Variants in DACH2 observed in about 807,000 individuals in gnomAD.
DACH2 encodes the protein dachshund family transcription factor 2.
Under a neutral mutation model 35.8 loss-of-function variants are expected in DACH2, and 17 were observed. The observed-to-expected ratio is 0.48, with a 90% CI of 0.33 to 0.71. The LOEUF (loss-of-function observed/expected upper bound fraction) is 0.71. Ranked by LOEUF, DACH2 falls within the 30% of genes least tolerant of loss-of-function variation. The pLI is 0.02. For synonymous variants in DACH2, 195 were observed against 177.3 expected, an observed-to-expected ratio of 1.10 and a Z score of -0.79; for missense variants, 469 against 472.7, an observed-to-expected ratio of 0.99 and a Z score of 0.07.
intron 7 of DACH2, among the ~76,000 whole-genome samples, chrX:86,751,738 G>C (rs2041775630): frequency 9.0e-6 from 1 of 111,252 alleles, no homozygotes; most frequent in African/African-American, 3.3e-5. Flanking sequence ...GAAAAAAAAA[G>C]AAAGTATGCA....
At chrX:86,495,706 A>T (rs1404063791) in intron 2 of DACH2, among the ~76,000 whole-genome samples, 13 of 109,856 alleles carry the variant, frequency 1.2e-4, no homozygotes, top group African/African-American at 4.3e-4. Flanking sequence ...CTAGCTACTC[A>T]GGAGGCTAAG....
chrX:86,513,143 A>AC (rs2038418616), intron 2 of DACH2, among the ~76,000 whole-genome samples: 1 of 111,922 alleles, frequency 8.9e-6, no homozygotes. Context: ...TCATTTTGCT[A>AC]CTGCAAAGTT....
intron 7 of DACH2, among the ~76,000 whole-genome samples, chrX:86,775,665 A>T (rs1321985035): frequency 8.9e-6 from 1 of 111,916 alleles, no homozygotes. Context: ...TACTGTTATT[A>T]AGCAGAACAA....
At chrX:86,303,809 A>G (rs1261562922) in intron 1 of DACH2, among the ~76,000 whole-genome samples, 3 of 110,810 alleles carry the variant, frequency 2.7e-5, no homozygotes, top group Admixed American at 9.7e-5. Flanking sequence ...TAAAAATAAT[A>G]AATACTATTC....
At chrX:86,720,156 C>G (rs2041387706) in intron 6 of DACH2, among the ~76,000 whole-genome samples, 1 of 108,647 alleles carries the variant, frequency 9.2e-6, no homozygotes, top group Non-Finnish European at 1.9e-5. Context: ...CCAGGATTGT[C>G]TTGATCTCCT....
chrX:86,334,463 A>T (rs1360699684), intron 1 of DACH2, among the ~76,000 whole-genome samples: 1 of 111,889 alleles, frequency 8.9e-6, no homozygotes. Flanking sequence ...AACTGATGTG[A>T]GATGGTATCT....
intron 2 of DACH2, among the ~76,000 whole-genome samples, chrX:86,472,036 G>A (rs1341983817): frequency 8.9e-6 from 1 of 111,819 alleles, no homozygotes; most frequent in East Asian, 2.8e-4. Context: ...ATGATTAATT[G>A]GTTAATTTAA....
At chrX:86,712,837 T>G (rs2148458862) in intron 5 of DACH2, among the ~76,000 whole-genome samples, 1 of 110,987 alleles carries the variant, frequency 9.0e-6, no homozygotes, top group Non-Finnish European at 1.9e-5. Flanking sequence ...AAGTTTAAAA[T>G]ATTTTCTGAC....
At chrX:86,703,501 T>C (rs141057768) in intron 5 of DACH2, among the ~76,000 whole-genome samples, 128 of 111,490 alleles carry the variant, frequency 1.1e-3, no homozygotes, top group African/African-American at 4.0e-3. Flanking sequence ...ACTAACAATA[T>C]GATTGTATAC....
intron 2 of DACH2, among the ~76,000 whole-genome samples, chrX:86,499,466 A>G (rs1266918457): frequency 9.0e-6 from 1 of 111,660 alleles, no homozygotes; most frequent in Admixed American, 9.6e-5. Context: ...GGCATAGAGG[A>G]GGTCATTTAG....
intron 2 of DACH2, among the ~76,000 whole-genome samples, chrX:86,453,495 C>A (rs1458736808): frequency 9.0e-6 from 1 of 111,606 alleles, no homozygotes; most frequent in African/African-American, 3.3e-5. Flanking sequence ...TCTGGGTACT[C>A]ATGTATTGGT....
At chrX:86,167,061 T>C (rs1399932324) in intron 1 of DACH2, among the ~76,000 whole-genome samples, 1 of 111,642 alleles carries the variant, frequency 9.0e-6, no homozygotes, top group African/African-American at 3.2e-5. Flanking sequence ...ATCAGGTTAA[T>C]ACTGGCCTCA....
intron 2 of DACH2, among the ~76,000 whole-genome samples, chrX:86,466,092 T>C (rs2037661940): frequency 9.0e-6 from 1 of 111,562 alleles, no homozygotes; most frequent in African/African-American, 3.3e-5. Context: ...ACTTATAGTT[T>C]AACATGGCTG....
At chrX:86,251,255 G>A (rs1049018317) in intron 1 of DACH2, among the ~76,000 whole-genome samples, 1 of 111,570 alleles carries the variant, frequency 9.0e-6, no homozygotes, top group Non-Finnish European at 1.9e-5. Flanking sequence ...AGTTGTAAAA[G>A]CAGCAAATTT....
chrX:86,719,391 A>G (rs2041375028), intron 6 of DACH2, among the ~76,000 whole-genome samples: 1 of 112,246 alleles, frequency 8.9e-6, no homozygotes, highest in Non-Finnish European at 1.9e-5. Flanking sequence ...GATGTAGGTC[A>G]TATCATCAGT....
At chrX:86,443,556 T>C (rs938807695) in intron 2 of DACH2, among the ~76,000 whole-genome samples, 6 of 110,020 alleles carry the variant, frequency 5.5e-5, no homozygotes, top group Middle Eastern at 4.7e-3. Context: ...ATTACTGTGT[T>C]GAAAAAGAAG....
At chrX:86,618,305 G>A (rs1004413427) in intron 3 of DACH2, among the ~76,000 whole-genome samples, 2 of 111,944 alleles carry the variant, frequency 1.8e-5, no homozygotes, top group African/African-American at 6.5e-5. Context: ...TATAGTTTAT[G>A]AGCTCAATGA....
intron 1 of DACH2, chrX:86,161,024 C>T (rs764270337): frequency 6.1e-5 from 59 of 972,994 alleles, no homozygotes; most frequent in Admixed American, 8.9e-5. Flanking sequence ...ATCCCTTGAA[C>T]GAAGGCACGT....
intron 2 of DACH2, among the ~76,000 whole-genome samples, chrX:86,426,805 C>A (rs1277889236): frequency 9.0e-5 from 10 of 111,373 alleles, no homozygotes; most frequent in African/African-American, 3.3e-4. Flanking sequence ...TTTCCATTTG[C>A]CTTTATTCAC....
Sources: allele counts gnomAD v4.1 joint callset (sites outside exome capture counted in the v4.1 genomes callset), GRCh38; gene constraint gnomAD v4.1.1; transcripts MANE v1.5; gene names NCBI Gene and HGNC (gene_info 2026-07-23, HGNC 2026-07-21).